Variants in MFN1 observed in about 807,000 individuals in gnomAD.
MFN1 encodes the protein mitofusin-1.
A neutral mutation model predicts 92.4 loss-of-function variants in MFN1; 65 were observed. The observed-to-expected ratio is 0.70, with a 90% CI of 0.58 to 0.86. The LOEUF (loss-of-function observed/expected upper bound fraction) is 0.86, where lower values mean the gene tolerates loss of function less well. Ranked by LOEUF, MFN1 falls within the 40% of genes least tolerant of loss-of-function variation. The pLI is 0.00. For synonymous variants in MFN1, 297 were observed against 300.9 expected (o/e 0.99, Z 0.13); for missense variants, 781 against 868.0 (o/e 0.90, Z 1.26).
At chr3:179,354,971 ATTAT>A (rs368595798) in intron 3 of MFN1, among the ~76,000 whole-genome samples, 4 of 151,872 alleles carry the variant, frequency 2.6e-5, no homozygotes, top group Admixed American at 6.6e-5. Context: ...TAATTTTTGT[ATTAT>A]TTGTAGAGAT....
At chr3:179,391,402 G>A (rs546732931) in intron 17 of MFN1, among the ~76,000 whole-genome samples, 1 of 152,172 alleles carries the variant, frequency 6.6e-6, no homozygotes, top group East Asian at 1.9e-4. Context: ...TTTTTTACTA[G>A]ATTAGGCTCA....
chr3:179,367,989 T>C (rs1357462094), intron 8 of MFN1, 47 bp from the exon 9 acceptor site: 1 of 1,286,878 alleles, frequency 7.8e-7, no homozygotes. Flanking sequence ...CCAGAAAACA[T>C]ATCTTGCTAC....
At chr3:179,362,573 A>G in intron 5 of MFN1, 91 bp downstream of exon 5, 1 of 1,175,270 alleles carries the variant, frequency 8.5e-7, no homozygotes, top group Non-Finnish European at 1.2e-6. Context: ...AAATTACAAC[A>G]TTCAGTTGCC....
chr3:179,351,862 A>G (rs1345797953), intron 2 of MFN1, 38 bp from the exon 3 acceptor site: 1 of 1,572,028 alleles, frequency 6.4e-7, no homozygotes, highest in Non-Finnish European at 8.7e-7. Context: ...CTTAATATTC[A>G]TTTATATCAC....
At position 179,375,294 on chromosome 3, in the gene MFN1, T is replaced by G; in HGVS notation, c.1050T>G (p.Thr350=). 6.2e-7 allele frequency: 1 copy of G among 1,613,926 alleles called. No homozygotes were observed. Among genetic ancestry groups the G allele is most frequent in the Non-Finnish European group, 8.5e-7 (1 of 1,179,914 alleles). The change falls in exon 10 of 18, where the codon ACT becomes ACG. Residue 350 remains threonine, a synonymous_variant. Coordinates refer to ENST00000471841, the MANE Select transcript of MFN1 (RefSeq NM_033540.3). ...TCAGAGCTAAACAGATACTAGCTAC[T>G]GTGAAAAACATAATGGATTCAGTAA... The part of the protein sequence containing the change: ...HTIRAKQILA[T]VKNIMDSVNL...
rs776130871 is a variant in MFN1, at chr3:179,358,970, A to G, written c.379A>G (p.Thr127Ala). Residue 127 changes from threonine to alanine, a missense_variant, in exon 4 of 18, where the codon ACA (threonine) becomes GCA (alanine). Transcript: ENST00000471841. ...GTDGDKAYLM[T>A]EGSDEKKSVK... is the part of the protein sequence containing the mutation. ...TGATGGAGATAAAGCCTATCTTATG[A>G]CAGAAGGATCAGATGAAAAAAAGAG... 5 of 1,613,968 alleles carry G rather than the reference A, an allele frequency of 3.1e-6. No individual in the cohort carries two copies. Among genetic ancestry groups the G allele is most frequent in the Non-Finnish European group, 4.2e-6 (5 of 1,179,964 alleles).
chr3:179,393,336 A>G lies in MFN1; in HGVS notation c.*1277A>G, dbSNP rs1713979998. ...CAGTATCTCCTAGACACTTGTTAGA[A>G]ATGCACAATCCCGGGGAACGCAGTA... is the stretch of plus-strand genomic sequence containing the variant. On this transcript the variant is annotated 3_prime_UTR_variant, in exon 18 of 18. Transcript: ENST00000471841. The G allele has an allele frequency of 6.6e-6, 1 of 152,208 alleles. No homozygotes were observed. The highest frequency in any genetic ancestry group is 2.4e-5 in the African/African-American group (1 of 41,456). The allele number at this position is 152,208 out of a possible 1,614,324, so 9.4% of individuals were successfully genotyped here.
At chr3:179,362,957 A>G (rs1712641690) in intron 5 of MFN1, among the ~76,000 whole-genome samples, 1 of 152,232 alleles carries the variant, frequency 6.6e-6, no homozygotes. Context: ...TGGTTTAAAT[A>G]CAATGTTAAC....
intron 7 of MFN1, 78 bp downstream of exon 7, chr3:179,365,303 T>C: frequency 2.4e-6 from 2 of 818,114 alleles, no homozygotes; most frequent in Non-Finnish European, 3.7e-6. Context: ...ATATTGCTTA[T>C]AGAATAGAAA....
At chr3:179,372,168 A>AG (rs1713050924) in intron 9 of MFN1, among the ~76,000 whole-genome samples, 1 of 148,998 alleles carries the variant, frequency 6.7e-6, no homozygotes, top group Admixed American at 6.8e-5. Flanking sequence ...GCGAGTATGG[A>AG]GGGAGGGGAG....
chr3:179,354,766 C>T (rs1266069704), intron 3 of MFN1, among the ~76,000 whole-genome samples: 9 of 152,202 alleles, frequency 5.9e-5, no homozygotes, highest in Admixed American at 4.6e-4. Flanking sequence ...TAGGCAATTC[C>T]CAGAACTGAG....
chr3:179,365,164 A>G lies in MFN1; in HGVS notation c.692A>G (p.Asn231Ser), dbSNP rs774606992. The change falls in exon 7 of 18, where the codon AAT becomes AGT. Residue 231 changes from asparagine (N) to serine (S), a missense_variant. Physicochemically the swap from Asn to Ser is conservative, Grantham distance 46 (BLOSUM62 1). Transcript: ENST00000471841. ...HKVNERLSKP[N>S]IFILNNRWDA... is the part of the protein sequence containing the mutation. ...GTGAATGAGCGGCTTTCCAAGCCTA[A>G]TATTTTCATTCTCAATAATCGTTGG... 1.3e-6 allele frequency: 2 copies of G among 1,558,984 alleles called. No homozygotes were observed. The highest frequency in any genetic ancestry group is 1.7e-6 in the Non-Finnish European group (2 of 1,161,448).
chr3:179,368,069 T>C lies in MFN1; in HGVS notation c.941T>C (p.Leu314Ser). 1 of 1,574,952 alleles carries C rather than the reference T, an allele frequency of 6.3e-7. No individual in the cohort carries two copies. Among genetic ancestry groups the C allele is most frequent in the South Asian group, 1.2e-5 (1 of 85,932 alleles). The change falls in exon 9 of 18, where the codon TTA becomes TCA. Residue 314 changes from leucine (L) to serine (S), a missense_variant. Leu to Ser is a moderately radical substitution (Grantham distance 145). Coordinates refer to ENST00000471841, the MANE Select transcript of MFN1 (RefSeq NM_033540.3). The stretch of plus-strand genomic sequence containing the variant: ...CTTGCTGAAGGATTTCATGCAAGAT[T>C]ACAGGAATTTCAGAATTTTGAACAA... ...VALAEGFHAR[L>S]QEFQNFEQIF...
intron 14 of MFN1, among the ~76,000 whole-genome samples, chr3:179,382,048 C>T (rs1159905154): frequency 2.0e-5 from 3 of 148,748 alleles, no homozygotes; most frequent in East Asian, 4.0e-4. Context: ...TTCAAATAAA[C>T]TAGCATAAAT....
chr3:179,369,580 G>A (rs1387902110), intron 9 of MFN1, among the ~76,000 whole-genome samples: 1 of 152,084 alleles, frequency 6.6e-6, no homozygotes, highest in East Asian at 1.9e-4. Flanking sequence ...CGTTGAGGAG[G>A]TGGGAATGAG....
At chr3:179,366,645 A>C (rs893575597) in intron 7 of MFN1, among the ~76,000 whole-genome samples, 3 of 152,150 alleles carry the variant, frequency 2.0e-5, no homozygotes, top group Non-Finnish European at 4.4e-5. Flanking sequence ...TCCTCCTGTC[A>C]TTAACTGTTG....
intron 3 of MFN1, among the ~76,000 whole-genome samples, chr3:179,354,959 G>A (rs962546855): frequency 3.9e-5 from 6 of 152,152 alleles, no homozygotes; most frequent in Middle Eastern, 3.4e-3. Context: ...ACCACACCCA[G>A]CTAATTTTTG....
At position 179,362,456 on chromosome 3, in the gene MFN1, G is replaced by A; in HGVS notation, c.510G>A (p.Leu170=). The change falls in exon 5 of 18, where the codon TTG becomes TTA. Residue 170 remains leucine (L), a synonymous_variant. Transcript: ENST00000471841. ...GGCCAAAAGCAAAATGTGCCCTCTT[G>A]AGAGATGACCTGGTGTTAGTAGACA... ...VFWPKAKCAL[L]RDDLVLVDSP... 3 of 1,613,660 alleles carry A rather than the reference G, an allele frequency of 1.9e-6. No homozygotes were observed. The highest frequency in any genetic ancestry group is 2.5e-6 in the Non-Finnish European group (3 of 1,179,880).
At chr3:179,348,189 G>A (rs1035306167) in intron 1 of MFN1, 1 of 152,390 alleles carries the variant, frequency 6.6e-6, no homozygotes, top group African/African-American at 2.4e-5. Flanking sequence ...GCTCCTTCGC[G>A]CGGTCATTTC....
Sources: allele counts gnomAD v4.1 joint callset (sites outside exome capture counted in the v4.1 genomes callset), GRCh38; gene constraint gnomAD v4.1.1; transcripts MANE v1.5; gene names NCBI Gene and HGNC (gene_info 2026-07-23, HGNC 2026-07-21).